The following PRMT8 variants were observed in gnomAD, a reference collection of about 807,000 sequenced individuals.
PRMT8 encodes protein arginine N-methyltransferase 8.
Under a neutral mutation model 47.1 loss-of-function variants are expected in PRMT8, and 7 were observed. That is an observed-to-expected ratio of 0.15 (90% CI 0.08 to 0.28). The LOEUF (loss-of-function observed/expected upper bound fraction) is 0.28. Ranked by LOEUF, PRMT8 falls within the 10% of genes least tolerant of loss-of-function variation. The pLI, the probability that PRMT8 is intolerant of heterozygous loss-of-function variation, is 1.00. For synonymous variants in PRMT8, 188 were observed against 186.5 expected (o/e 1.01, Z -0.07); for missense variants, 237 against 505.4 (o/e 0.47, Z 5.09).
At chr12:3,567,519 C>T (rs1866742068) in intron 4 of PRMT8, among the ~76,000 whole-genome samples, 1 of 152,166 alleles carries the variant, frequency 6.6e-6, no homozygotes, top group Non-Finnish European at 1.5e-5. Context: ...GGTAACCTAA[C>T]ATAGGGGTGG....
At chr12:3,440,186 C>T (rs1394321749) in intron 1 of PRMT8, among the ~76,000 whole-genome samples, 7 of 152,138 alleles carry the variant, frequency 4.6e-5, no homozygotes, top group Admixed American at 1.3e-4. Flanking sequence ...CTAGGCCGGG[C>T]GTGGTGGCTC....
chr12:3,523,779 A>G (rs1865915229), intron 1 of PRMT8, among the ~76,000 whole-genome samples: 1 of 152,222 alleles, frequency 6.6e-6, no homozygotes, highest in South Asian at 2.1e-4. Context: ...TAAGACTTAC[A>G]AAAGCCTATC....
intron 8 of PRMT8, among the ~76,000 whole-genome samples, chr12:3,587,597 C>T (rs150976513): frequency 2.0e-5 from 3 of 152,176 alleles, no homozygotes; most frequent in East Asian, 1.9e-4. Context: ...CCTCCCGTAT[C>T]GCCTCCAGAT....
Position 3,433,067 on chromosome 12 carries a change from C to A in PRMT8, c.48+51625C>A, listed in dbSNP as rs114272563. Among the ~76,000 whole-genome samples, 918 of 152,282 alleles carry A rather than the reference C, an allele frequency of 6.0e-3. 14 individuals are homozygous for A. Among genetic ancestry groups the A allele is most frequent in the African/African-American group, 0.021 (884 of 41,554 alleles). ...GATGTGCAATTTACAGCAGTCCCAG[C>A]GGCAGTCTTCAGAGATCCCACTCCC... is the stretch of plus-strand genomic sequence containing the variant. On this transcript the variant is annotated intron_variant, in intron 1 of 9. Coordinates refer to the PRMT8 transcript ENST00000452611.
chr12:3,543,346 G>A (rs1038738465), intron 2 of PRMT8, among the ~76,000 whole-genome samples: 3 of 152,234 alleles, frequency 2.0e-5, no homozygotes, highest in Non-Finnish European at 2.9e-5. Flanking sequence ...TTCGCAGAGA[G>A]AAGGCCTACC....
At chr12:3,525,324 G>C (rs747863240) in intron 1 of PRMT8, among the ~76,000 whole-genome samples, 47 of 152,164 alleles carry the variant, frequency 3.1e-4, no homozygotes, top group Non-Finnish European at 6.3e-4. Context: ...TAAAGATCAG[G>C]GTGACAGAGG....
intron 1 of PRMT8, among the ~76,000 whole-genome samples, chr12:3,444,408 C>A (rs1225030451): frequency 1.3e-5 from 2 of 152,182 alleles, no homozygotes; most frequent in African/African-American, 4.8e-5. Context: ...GACCACTGTC[C>A]TAAGCAGCCC....
At position 3,491,841 on chromosome 12, in the gene PRMT8, T is replaced by C. The variant is rs1420071998; in HGVS notation, c.75+141T>C. ...TTCTGCCGGCCTCCTCCTGTGTGTG[T>C]GTGTGTGTGTGTGTGTGTGTGTGTG... On this transcript the variant is annotated intron_variant, in intron 1 of 9. Coordinates refer to ENST00000382622, the MANE Select transcript of PRMT8 (RefSeq NM_019854.5). The C allele has an allele frequency of 1.6e-3, 126 of 76,726 alleles. 3 individuals are homozygous for C. Among genetic ancestry groups the C allele is most frequent in the Admixed American group, 5.8e-3 (34 of 5,840 alleles). The allele number at this position is 76,726 out of a possible 1,614,324, so 4.8% of individuals were successfully genotyped here.
At chr12:3,446,498 C>T (rs1428377111) in intron 1 of PRMT8, among the ~76,000 whole-genome samples, 1 of 152,186 alleles carries the variant, frequency 6.6e-6, no homozygotes, top group African/African-American at 2.4e-5. Context: ...GCCGAGGTTG[C>T]CACCAACCTG....
At chr12:3,553,837 C>A in intron 4 of PRMT8, 123 bp downstream of exon 4, 1 of 868,482 alleles carries the variant, frequency 1.2e-6, no homozygotes, top group Non-Finnish European at 1.9e-6. Context: ...GTGCACCCAG[C>A]TGAGGCCCCC....
chr12:3,484,258 T>G (rs7964749), intron 1 of PRMT8, among the ~76,000 whole-genome samples: 16,065 of 152,186 alleles, frequency 0.11, 929 homozygotes, highest in African/African-American at 0.14. Flanking sequence ...TGGAGGTGGT[T>G]AGCATCATAA....
At chr12:3,485,861 A>G (rs1865317751) in intron 1 of PRMT8, among the ~76,000 whole-genome samples, 1 of 152,232 alleles carries the variant, frequency 6.6e-6, no homozygotes, top group Non-Finnish European at 1.5e-5. Flanking sequence ...AAAATCTAGC[A>G]AAGTTTAAAT....
At chr12:3,471,652 C>A (rs190671838) in intron 1 of PRMT8, among the ~76,000 whole-genome samples, 1 of 151,808 alleles carries the variant, frequency 6.6e-6, no homozygotes, top group Admixed American at 6.6e-5. Context: ...CATGGCTCTG[C>A]TCTGTGTGGC....
rs1865435360 is a variant in PRMT8, at chr12:3,492,463, G to T, written c.75+763G>T. On this transcript the variant is annotated intron_variant, in intron 1 of 9. Coordinates refer to ENST00000382622, the MANE Select transcript of PRMT8 (RefSeq NM_019854.5). This position sits in a 1 kb window ranked among gnomAD's most constrained non-coding sequence, Gnocchi z 7.5. ...GCGCCGCCGGCTGCAGTGAGAAATG[G>T]GTCTGCAGCCACCCGTCCCGCAAGG... 6.6e-6 allele frequency among the ~76,000 whole-genome samples: 1 copy of T among 152,198 alleles called. No homozygotes were observed. Among genetic ancestry groups the T allele is most frequent in the Non-Finnish European group, 1.5e-5 (1 of 68,028 alleles).
At position 3,397,737 on chromosome 12, in the gene PRMT8, C is replaced by A. The variant is rs549296951; in HGVS notation, c.48+16295C>A. Among the ~76,000 whole-genome samples the A allele has an allele frequency of 2.3e-3, 342 of 151,152 alleles. 3 individuals carry two copies. The highest frequency in any genetic ancestry group is 0.01 in the Middle Eastern group (3 of 292). On this transcript the variant is annotated intron_variant, in intron 1 of 9. Coordinates refer to the PRMT8 transcript ENST00000452611. ...GCCTCCTTGAGCTGTGGTGGGCTCC[C>A]CCCAGTTCGTGCTTCCCGGCTGCTT...
intron 8 of PRMT8, among the ~76,000 whole-genome samples, chr12:3,586,104 A>C (rs1021672754): frequency 6.6e-6 from 1 of 152,024 alleles, no homozygotes; most frequent in Admixed American, 6.5e-5. Context: ...CCATAGTTTT[A>C]TTTTCCTTGA....
At chr12:3,415,768 CGTT>C (rs968671987) in intron 1 of PRMT8, among the ~76,000 whole-genome samples, 10 of 152,338 alleles carry the variant, frequency 6.6e-5, no homozygotes, top group African/African-American at 1.9e-4. Context: ...CCCTCACTGT[CGTT>C]GTATGCATGC....
Position 3,491,471 on chromosome 12 carries a change from AC to A in PRMT8, c.-154del. ...AAAGAAAGTGGAGACTGCAGAACAGACTCCGCTGTGGCTGACTGTGCCGGCC... is the reference window on the plus strand; with the variant it reads ...AAAGAAAGTGGAGACTGCAGAACAGATCCGCTGTGGCTGACTGTGCCGGCC... On this transcript the variant is annotated 5_prime_UTR_variant, in exon 1 of 10. The change abolishes the stop of an existing upstream ORF in the 5' untranslated region. Coordinates refer to ENST00000382622, the MANE Select transcript of PRMT8 (RefSeq NM_019854.5). 1 of 1,435,568 alleles carries A rather than the reference AC, an allele frequency of 7.0e-7. No homozygotes were observed. Among genetic ancestry groups the A allele is most frequent in the Non-Finnish European group, 9.1e-7 (1 of 1,098,530 alleles). The allele number at this position is 1,435,568 out of a possible 1,614,324, so 88.9% of individuals were successfully genotyped here. A position where few individuals can be genotyped will look rare whatever the true frequency, so the allele number is the denominator to read the frequency against.
chr12:3,543,953 G>T (rs1168042079), intron 2 of PRMT8, among the ~76,000 whole-genome samples: 1 of 152,164 alleles, frequency 6.6e-6, no homozygotes, highest in Non-Finnish European at 1.5e-5. Flanking sequence ...GCCACGAGAA[G>T]AATCTTTGCC....
Sources: gnomAD v4.1 joint callset for allele counts (sites outside exome capture counted in the v4.1 genomes callset) on GRCh38, gnomAD v4.1.1 for gene constraint, Gnocchi (gnomAD v3.1) non-coding constraint, MANE v1.5 for transcripts, NCBI Gene and HGNC (gene_info 2026-07-23, HGNC 2026-07-21) for gene names.